Variants in CHCHD6 observed in about 807,000 individuals in gnomAD.
CHCHD6 encodes the protein coiled-coil-helix-coiled-coil-helix domain containing 6, also known as MICOS complex subunit MIC25.
In CHCHD6, 28 loss-of-function variants were observed where a neutral mutation model predicts 32.3. The observed-to-expected ratio is 0.87, with a 90% CI of 0.64 to 1.19. The LOEUF (loss-of-function observed/expected upper bound fraction) is 1.19. Among genes scored for constraint, CHCHD6 ranks in the 50% most tolerant of loss-of-function variants. CHCHD6 has a pLI of 0.00. For synonymous variants in CHCHD6, 122 were observed against 117.5 expected (o/e 1.04, Z -0.25); for missense variants, 333 against 307.0 (o/e 1.08, Z -0.63).
At chr3:126,880,274 G>A (rs2077591443) in intron 5 of CHCHD6, among the ~76,000 whole-genome samples, 1 of 152,154 alleles carries the variant, frequency 6.6e-6, no homozygotes, top group African/African-American at 2.4e-5. Flanking sequence ...GGGAGGTTGG[G>A]ACTGAGTGAT....
chr3:126,949,722 G>C (rs2078691052), intron 6 of CHCHD6: 1 of 197,542 alleles, frequency 5.1e-6, no homozygotes. Context: ...GGAAGGAAAG[G>C]CTGCACGGAG....
chr3:126,881,801 A>T (rs1166992041), intron 5 of CHCHD6, among the ~76,000 whole-genome samples: 1 of 152,232 alleles, frequency 6.6e-6, no homozygotes, highest in East Asian at 1.9e-4. Flanking sequence ...TTTTTAATAG[A>T]TAAGTGCTCT....
At chr3:126,835,361 C>T (rs898256297) in intron 4 of CHCHD6, among the ~76,000 whole-genome samples, 12 of 152,198 alleles carry the variant, frequency 7.9e-5, no homozygotes, top group African/African-American at 2.9e-4. Flanking sequence ...GGCCAGGCAG[C>T]TTGTTCTCTG....
At chr3:126,894,844 T>A (rs373184137) in intron 5 of CHCHD6, among the ~76,000 whole-genome samples, 9 of 152,222 alleles carry the variant, frequency 5.9e-5, no homozygotes, top group Admixed American at 4.6e-4. Flanking sequence ...TGCAAAGACA[T>A]GTGCAACAAA....
chr3:126,749,468 C>T (rs565377035), intron 4 of CHCHD6, among the ~76,000 whole-genome samples: 1 of 152,274 alleles, frequency 6.6e-6, no homozygotes, highest in Admixed American at 6.5e-5. Context: ...CCTTTTTTGA[C>T]AAGGAGATGC....
chr3:126,908,544 T>A (rs1233588299), intron 5 of CHCHD6, among the ~76,000 whole-genome samples: 1 of 152,240 alleles, frequency 6.6e-6, no homozygotes, highest in Admixed American at 6.5e-5. Flanking sequence ...TTTACTCAAC[T>A]TTACATTGAG....
chr3:126,801,491 C>T lies in CHCHD6; in HGVS notation c.412-51156C>T, dbSNP rs546459336. Among the ~76,000 whole-genome samples the T allele has an allele frequency of 6.3e-3, 952 of 152,312 alleles. 9 individuals carry two copies. The highest frequency in any genetic ancestry group is 0.021 in the African/African-American group (893 of 41,576). ...AGCAGTCTGAGATCAAACTGCAAGG[C>T]GGCAGCGAAGCTAGGGGAGGGGCAC... is the stretch of plus-strand genomic sequence containing the variant. On this transcript the variant is annotated intron_variant, in intron 4 of 7. Coordinates refer to ENST00000290913, the MANE Select transcript of CHCHD6 (RefSeq NM_032343.3).
chr3:126,752,938 C>T (rs1029693401), intron 4 of CHCHD6, among the ~76,000 whole-genome samples: 30 of 152,098 alleles, frequency 2.0e-4, no homozygotes, highest in African/African-American at 7.2e-4. Context: ...GTTCCTAGAC[C>T]TCGTAAGTCA....
At chr3:126,946,478 C>T (rs1409457163) in intron 6 of CHCHD6, among the ~76,000 whole-genome samples, 1 of 152,184 alleles carries the variant, frequency 6.6e-6, no homozygotes, top group Admixed American at 6.5e-5. Context: ...GTGTCTCAGG[C>T]CCTCTTGGGA....
chr3:126,878,895 G>A (rs1048790040), intron 5 of CHCHD6, among the ~76,000 whole-genome samples: 1 of 152,206 alleles, frequency 6.6e-6, no homozygotes, highest in African/African-American at 2.4e-5. Context: ...AGGAGCAGGA[G>A]GAGCAGTTTG....
intron 4 of CHCHD6, among the ~76,000 whole-genome samples, chr3:126,841,899 G>A (rs756394666): frequency 6.6e-6 from 1 of 152,022 alleles, no homozygotes; most frequent in African/African-American, 2.4e-5. Context: ...GGGTGAAGGA[G>A]CAAGACCTTG....
intron 4 of CHCHD6, among the ~76,000 whole-genome samples, chr3:126,763,105 CCTT>C (rs1250419703): frequency 1.3e-5 from 2 of 152,048 alleles, no homozygotes; most frequent in African/African-American, 4.8e-5. Context: ...TTCATTTCTG[CCTT>C]CTTTTGTATG....
intron 4 of CHCHD6, among the ~76,000 whole-genome samples, chr3:126,841,497 AG>A (rs1941078049): frequency 6.6e-6 from 1 of 152,158 alleles, no homozygotes; most frequent in Admixed American, 6.5e-5. Flanking sequence ...ATCTAAAGTA[AG>A]GGTTGTGAGG....
chr3:126,778,978 G>C (rs979639872), intron 4 of CHCHD6, among the ~76,000 whole-genome samples: 2 of 150,686 alleles, frequency 1.3e-5, no homozygotes, highest in African/African-American at 4.9e-5. Flanking sequence ...TGTTGCCTAG[G>C]CTGGTCTTGA....
intron 5 of CHCHD6, among the ~76,000 whole-genome samples, chr3:126,873,229 C>T (rs2077499727): frequency 1.3e-5 from 2 of 152,154 alleles, no homozygotes; most frequent in African/African-American, 4.8e-5. Flanking sequence ...GGGAAAAGAC[C>T]GCAGGCCTAT....
chr3:126,852,587 G>T (rs1941509405), intron 4 of CHCHD6, 60 bp from the exon 5 acceptor site: 2 of 1,261,666 alleles, frequency 1.6e-6, no homozygotes, highest in Admixed American at 3.4e-5. Context: ...CCTTCTCCCT[G>T]CAGCACCATT....
At chr3:126,885,437 G>T (rs952425781) in intron 5 of CHCHD6, among the ~76,000 whole-genome samples, 2 of 152,136 alleles carry the variant, frequency 1.3e-5, no homozygotes, top group African/African-American at 4.8e-5. Context: ...ATTCCTGGTA[G>T]CTGCACACTG....
At chr3:126,890,428 C>T (rs1164517741) in intron 5 of CHCHD6, among the ~76,000 whole-genome samples, 2 of 152,090 alleles carry the variant, frequency 1.3e-5, no homozygotes, top group East Asian at 3.9e-4. Context: ...TGCAGTGTCC[C>T]ACCTAAAAAC....
intron 7 of CHCHD6, among the ~76,000 whole-genome samples, chr3:126,958,417 G>A (rs1397217077): frequency 6.6e-6 from 1 of 152,230 alleles, no homozygotes; most frequent in Non-Finnish European, 1.5e-5. Flanking sequence ...AGCCTCTTTG[G>A]CCTGAGTAGG....
Sources: allele counts gnomAD v4.1 joint callset (sites outside exome capture counted in the v4.1 genomes callset), GRCh38; gene constraint gnomAD v4.1.1; transcripts MANE v1.5; gene names NCBI Gene and HGNC (gene_info 2026-07-23, HGNC 2026-07-21).